ASTN1: variants seen among roughly 807,000 people sequenced by gnomAD.
The protein encoded by ASTN1 is astrotactin-1.
In ASTN1, 41 loss-of-function variants were observed where a neutral mutation model predicts 140.7. The ratio of observed to expected loss-of-function variants is 0.29; its 90% CI spans 0.23 to 0.38. The LOEUF (loss-of-function observed/expected upper bound fraction) is 0.38. Among genes scored for constraint, ASTN1 ranks in the 10% least tolerant of loss-of-function variants. The probability of loss-of-function intolerance (pLI) is 1.00; values close to 1 mark genes in which losing one functional copy is unlikely to be tolerated. For synonymous variants in ASTN1, 640 were observed against 652.2 expected (o/e 0.98, Z 0.29); for missense variants, 1,479 against 1,678.8 (o/e 0.88, Z 2.08).
intron 1 of ASTN1, among the ~76,000 whole-genome samples, chr1:177,149,071 CTATATATAGTAAACA>C (rs1373950439): frequency 8.1e-6 from 1 of 123,216 alleles, no homozygotes; most frequent in Non-Finnish European, 1.6e-5. Context: ...TATATAGTAA[CTATATATAGTAAACA>C]TATATATAGT....
intron 1 of ASTN1, among the ~76,000 whole-genome samples, chr1:177,108,903 A>C (rs1429830406): frequency 6.6e-6 from 1 of 152,194 alleles, no homozygotes; most frequent in Non-Finnish European, 1.5e-5. Flanking sequence ...AGAATGGATG[A>C]GATCATCTAG....
At chr1:176,899,236 A>T (rs1365645778) in intron 16 of ASTN1, among the ~76,000 whole-genome samples, 1 of 152,212 alleles carries the variant, frequency 6.6e-6, no homozygotes, top group Non-Finnish European at 1.5e-5. Context: ...GTGGTATGAG[A>T]ATATCGCGTC....
intron 1 of ASTN1, among the ~76,000 whole-genome samples, chr1:177,122,659 C>T (rs16850767): frequency 0.23 from 34,320 of 152,032 alleles, 6,023 homozygotes; most frequent in African/African-American, 0.49. Flanking sequence ...CCGCGGTTTT[C>T]GCATCTGGCC....
At chr1:176,914,171 C>CAA (rs1343798629) in intron 16 of ASTN1, among the ~76,000 whole-genome samples, 4 of 152,090 alleles carry the variant, frequency 2.6e-5, no homozygotes, top group Non-Finnish European at 5.9e-5. Context: ...ATTACTTTGT[C>CAA]CAAGGTCACA....
In ASTN1 at chr1:176,863,187, C is replaced by T; in HGVS notation, c.*1097G>A. The T allele has an allele frequency of 1.0e-6, 1 of 985,890 alleles. No homozygotes were observed. Among genetic ancestry groups the T allele is most frequent in the Non-Finnish European group, 1.2e-6 (1 of 829,934 alleles). 61.1% of individuals were successfully genotyped at this position (985,890 alleles called of 1,614,324 possible). A position where few individuals can be genotyped will look rare whatever the true frequency, so the allele number is the denominator to read the frequency against. On this transcript the variant is annotated 3_prime_UTR_variant, in exon 23 of 23. Transcript: ENST00000361833. ...CAGTGACCATGGTGGAATCCTCCTG[C>T]TTATGGTCATCAGAGAAACGATTTG...
intron 7 of ASTN1, among the ~76,000 whole-genome samples, chr1:177,023,035 C>T (rs976380991): frequency 2.0e-5 from 3 of 152,228 alleles, no homozygotes; most frequent in Admixed American, 6.5e-5. Flanking sequence ...TCATTTTCTT[C>T]TATAAACTTT....
At chr1:176,944,717 A>T (rs887785919) in intron 13 of ASTN1, among the ~76,000 whole-genome samples, 1 of 152,154 alleles carries the variant, frequency 6.6e-6, no homozygotes. Flanking sequence ...CAAAAGGGTA[A>T]AGACTATGCT....
intron 1 of ASTN1, among the ~76,000 whole-genome samples, chr1:177,158,518 T>G (rs1205008286): frequency 6.6e-6 from 1 of 152,134 alleles, no homozygotes; most frequent in Non-Finnish European, 1.5e-5. Flanking sequence ...ATGAACTGGT[T>G]TAACAGTGAA....
intron 21 of ASTN1, among the ~76,000 whole-genome samples, chr1:176,875,233 T>C (rs952494839): frequency 6.6e-5 from 10 of 152,046 alleles, no homozygotes; most frequent in African/African-American, 9.7e-5. Flanking sequence ...AAAGGCCTCA[T>C]GGTAGAATGA....
At chr1:176,992,378 G>C (rs1457534578) in intron 8 of ASTN1, among the ~76,000 whole-genome samples, 1 of 151,476 alleles carries the variant, frequency 6.6e-6, no homozygotes, top group Admixed American at 6.6e-5. Context: ...AGCGAATATT[G>C]AAGTGACCTT....
intron 16 of ASTN1, among the ~76,000 whole-genome samples, chr1:176,897,663 C>T (rs1669579177): frequency 6.6e-6 from 1 of 152,068 alleles, no homozygotes; most frequent in South Asian, 2.1e-4. Context: ...TGTGGAGGTA[C>T]AATTTTTCTT....
chr1:177,112,789 T>C (rs577042386), intron 1 of ASTN1, among the ~76,000 whole-genome samples: 1 of 152,354 alleles, frequency 6.6e-6, no homozygotes, highest in East Asian at 1.9e-4. Context: ...CAGTCCCTGG[T>C]AGCCCAGAAT....
At chr1:176,875,721 C>A (rs554684780) in intron 21 of ASTN1, among the ~76,000 whole-genome samples, 1 of 152,172 alleles carries the variant, frequency 6.6e-6, no homozygotes, top group African/African-American at 2.4e-5. Flanking sequence ...CTGAAACTTG[C>A]ACAACCTAAA....
chr1:177,038,621 TAAGTCA>T (rs1292287299), intron 2 of ASTN1, among the ~76,000 whole-genome samples: 1 of 152,210 alleles, frequency 6.6e-6, no homozygotes, highest in Non-Finnish European at 1.5e-5. Flanking sequence ...TAATCTTATA[TAAGTCA>T]GCTGCTTGGG....
At chr1:177,164,338 G>A (rs1336272192) in intron 1 of ASTN1, 56 bp downstream of exon 1, 1 of 1,485,472 alleles carries the variant, frequency 6.7e-7, no homozygotes, top group Non-Finnish European at 9.0e-7. Flanking sequence ...GCTGGAGTGG[G>A]GGGTGGGGGC....
intron 1 of ASTN1, among the ~76,000 whole-genome samples, chr1:177,124,220 C>T (rs1681534162): frequency 1.3e-5 from 2 of 152,148 alleles, no homozygotes; most frequent in Non-Finnish European, 2.9e-5. Flanking sequence ...AGTTAGGATC[C>T]TCAGCCTGGC....
chr1:176,936,235 G>T, intron 15 of ASTN1, 31 bp downstream of exon 15: 1 of 1,581,708 alleles, frequency 6.3e-7, no homozygotes. Flanking sequence ...TTCCAGGGAA[G>T]GTGGGCAGGA....
chr1:176,954,495 A>C (rs1166213857), intron 11 of ASTN1, among the ~76,000 whole-genome samples: 3 of 152,182 alleles, frequency 2.0e-5, no homozygotes, highest in Admixed American at 2.0e-4. Context: ...CCCAGTGGGA[A>C]CCATGTTGAA....
At chr1:177,101,246 A>G (rs914648996) in intron 1 of ASTN1, among the ~76,000 whole-genome samples, 1 of 152,234 alleles carries the variant, frequency 6.6e-6, no homozygotes, top group African/African-American at 2.4e-5. Context: ...GTCAAAAGAC[A>G]TGCATAAGAA....
Sources: allele counts gnomAD v4.1 joint callset (sites outside exome capture counted in the v4.1 genomes callset), GRCh38; gene constraint gnomAD v4.1.1; transcripts MANE v1.5; gene names NCBI Gene and HGNC (gene_info 2026-07-23, HGNC 2026-07-21).